Variants in SPMAP2 observed in about 807,000 individuals in gnomAD.
SPMAP2 encodes Theg homolog.
chr19:365,608 CTT>C, the SPMAP2 span, among the ~76,000 whole-genome samples: 2 of 104,090 alleles, frequency 1.9e-5, no homozygotes, highest in African/African-American at 6.7e-5. Flanking sequence ...CAGCCACACT[CTT>C]ACCCCCACAT....
the SPMAP2 span, among the ~76,000 whole-genome samples, chr19:362,765 TAAAAAA>T: frequency 6.9e-3 from 394 of 57,490 alleles, 8 homozygotes; most frequent in African/African-American, 0.023. Context: ...GACTCCATCT[TAAAAAA>T]AAAAAAAAAA....
chr19:371,367 GGGGTGTGT>G, the SPMAP2 span: 42 of 718,904 alleles, frequency 5.8e-5, 1 homozygote, highest in African/African-American at 1.1e-4. Context: ...GCCGGGGGTG[GGGGTGTGT>G]GTGTGTGTGT....
At chr19:373,653 T>A in the SPMAP2 span, 3 of 738,586 alleles carry the variant, frequency 4.1e-6, no homozygotes, top group Non-Finnish European at 6.5e-6. Flanking sequence ...GGAGAGGGGG[T>A]AGGCCAGAGA....
the SPMAP2 span, chr19:367,120 G>A: frequency 1.8e-5 from 29 of 1,613,050 alleles, no homozygotes; most frequent in East Asian, 2.2e-5. Flanking sequence ...GTTTTGGCAC[G>A]GGGTCCCACT....
At chr19:367,286 G>T in the SPMAP2 span, 2 of 1,464,152 alleles carry the variant, frequency 1.4e-6, no homozygotes, top group South Asian at 1.4e-5. Flanking sequence ...GTGGGCCCTG[G>T]AGCTGAAGGA....
At chr19:366,985 C>A in the SPMAP2 span, 1 of 1,443,740 alleles carries the variant, frequency 6.9e-7, no homozygotes, top group Non-Finnish European at 9.4e-7. Context: ...TCCCTCTGCC[C>A]GCTCTAGGCA....
the SPMAP2 span, among the ~76,000 whole-genome samples, chr19:364,692 T>C: frequency 2.0e-5 from 3 of 152,188 alleles, no homozygotes; most frequent in East Asian, 5.8e-4. Flanking sequence ...TCCCCCTGGC[T>C]GGGGTCATGT....
chr19:371,381 T>C, the SPMAP2 span: 1 of 663,808 alleles, frequency 1.5e-6, no homozygotes, highest in Non-Finnish European at 2.4e-6. Flanking sequence ...TGTGTGTGTG[T>C]GTGTGTGTGT....
At chr19:370,561 A>G in the SPMAP2 span, among the ~76,000 whole-genome samples, 2 of 149,876 alleles carry the variant, frequency 1.3e-5, no homozygotes, top group African/African-American at 2.5e-5. Flanking sequence ...CATGTTAGCC[A>G]GGATGGTCTC....
the SPMAP2 span, among the ~76,000 whole-genome samples, chr19:363,659 G>C: frequency 2.0e-5 from 3 of 150,958 alleles, no homozygotes; most frequent in East Asian, 2.0e-4. Flanking sequence ...TCAGCCTCCC[G>C]AGTAGCTGGG....
At chr19:363,624 C>G in the SPMAP2 span, among the ~76,000 whole-genome samples, 1 of 151,946 alleles carries the variant, frequency 6.6e-6, no homozygotes, top group Non-Finnish European at 1.5e-5. Flanking sequence ...ACCTCCGCTC[C>G]CCAGGATCAA....
the SPMAP2 span, chr19:375,548 G>T: frequency 8.7e-7 from 1 of 1,145,236 alleles, no homozygotes; most frequent in Non-Finnish European, 1.2e-6. Flanking sequence ...AGCGAGCCAG[G>T]CCGGTGGCCG....
At chr19:367,199 T>G in the SPMAP2 span, 8 of 1,605,690 alleles carry the variant, frequency 5.0e-6, no homozygotes, top group Non-Finnish European at 6.8e-6. Flanking sequence ...GACTGCCATT[T>G]GGGCTGCCCT....
At chr19:375,765 A>G in the SPMAP2 span, 2 of 1,609,532 alleles carry the variant, frequency 1.2e-6, no homozygotes, top group South Asian at 2.2e-5. Flanking sequence ...CTCCCCGGCC[A>G]CCTCCTCGGG....
the SPMAP2 span, among the ~76,000 whole-genome samples, chr19:372,096 C>T: frequency 1.3e-5 from 2 of 152,228 alleles, no homozygotes; most frequent in Non-Finnish European, 2.9e-5. Flanking sequence ...CCCACATCAA[C>T]GTCTGTGTCA....
chr19:364,061 C>T, the SPMAP2 span, among the ~76,000 whole-genome samples: 117 of 151,416 alleles, frequency 7.7e-4, no homozygotes, highest in African/African-American at 1.5e-3. Flanking sequence ...CGGTTGGGCG[C>T]GGTGGCTCAT....
At chr19:374,581 C>T in the SPMAP2 span, 947 of 1,022,968 alleles carry the variant, frequency 9.3e-4, no homozygotes, top group Admixed American at 2.6e-3. Flanking sequence ...AGGACTTTGG[C>T]ACCACGAAGG....
the SPMAP2 span, among the ~76,000 whole-genome samples, chr19:373,123 C>A: frequency 6.6e-6 from 1 of 152,150 alleles, no homozygotes; most frequent in East Asian, 1.9e-4. Flanking sequence ...GACTGTTATT[C>A]TCCTCTATGG....
the SPMAP2 span, among the ~76,000 whole-genome samples, chr19:365,951 G>A: frequency 6.6e-6 from 1 of 152,132 alleles, no homozygotes. Flanking sequence ...GACCAGCCTG[G>A]CCAACATGGT....
Sources: allele counts gnomAD v4.1 joint callset (sites outside exome capture counted in the v4.1 genomes callset), GRCh38; gene constraint gnomAD v4.1.1; transcripts MANE v1.5; gene names NCBI Gene and HGNC (gene_info 2026-07-23, HGNC 2026-07-21).